Variants in SPATA6 observed in about 807,000 individuals in gnomAD.
SPATA6 encodes spermatogenesis associated 6.
A neutral mutation model predicts 65.3 loss-of-function variants in SPATA6; 56 were observed. That is an observed-to-expected ratio of 0.86 (90% CI 0.69 to 1.07). The LOEUF (loss-of-function observed/expected upper bound fraction) is 1.07, where lower values mean the gene tolerates loss of function less well. Among genes scored for constraint, SPATA6 ranks in the 50% least tolerant of loss-of-function variants. The probability of loss-of-function intolerance (pLI) is 0.00; values close to 1 mark genes in which losing one functional copy is unlikely to be tolerated. For synonymous variants in SPATA6, 199 were observed against 213.2 expected (o/e 0.93, Z 0.58); for missense variants, 590 against 594.8 (o/e 0.99, Z 0.08).
At chr1:48,281,509 C>T in the SPATA6 span, among the ~76,000 whole-genome samples, 1 of 152,162 alleles carries the variant, frequency 6.6e-6, no homozygotes, top group Non-Finnish European at 1.5e-5. Flanking sequence ...AATCAATGTA[C>T]AAGAATCACA....
intron 3 of SPATA6, chr1:48,436,624 T>C: frequency 6.2e-7 from 1 of 1,614,090 alleles, no homozygotes; most frequent in Non-Finnish European, 8.5e-7. Flanking sequence ...TAGGGCTGTG[T>C]ATGATTTCCC....
intron 11 of SPATA6, among the ~76,000 whole-genome samples, chr1:48,321,418 TAA>T (rs997531362): frequency 3.3e-5 from 5 of 152,028 alleles, no homozygotes; most frequent in African/African-American, 1.2e-4. Context: ...ATACAAATTA[TAA>T]AAAGAGACAA....
chr1:48,306,017 T>C (rs745872080), intron 11 of SPATA6, 139 bp from the exon 12 acceptor site: 11 of 619,440 alleles, frequency 1.8e-5, no homozygotes, highest in Non-Finnish European at 2.8e-5. Flanking sequence ...TAGTGTTTCT[T>C]TGGGGGGAAA....
the SPATA6 span, among the ~76,000 whole-genome samples, chr1:48,289,055 G>A: frequency 6.6e-6 from 1 of 151,942 alleles, no homozygotes; most frequent in East Asian, 1.9e-4. Context: ...ACCTCAAGTG[G>A]GTTCCTGACC....
At chr1:48,455,816 A>G (rs1223043314) in intron 1 of SPATA6, among the ~76,000 whole-genome samples, 1 of 152,198 alleles carries the variant, frequency 6.6e-6, no homozygotes, top group African/African-American at 2.4e-5. Context: ...GCTCTATCCA[A>G]TTTGTAACAT....
At chr1:48,364,164 G>A (rs1646916277) in intron 9 of SPATA6, among the ~76,000 whole-genome samples, 1 of 152,176 alleles carries the variant, frequency 6.6e-6, no homozygotes, top group Admixed American at 6.5e-5. Flanking sequence ...GTATTCCATG[G>A]TGTATATGTG....
In SPATA6 at chr1:48,385,945, C is replaced by A. The variant is rs1021763759; in HGVS notation, c.869-596G>T. On this transcript the variant is annotated intron_variant, in intron 8 of 12. Coordinates refer to ENST00000371847, the MANE Select transcript of SPATA6 (RefSeq NM_019073.4). ...TATTGTTTTAAAGATTATATAAGAT[C>A]TTACACGTAAGGCACTAAAATAGAA... is the stretch of plus-strand genomic sequence containing the variant. Among the ~76,000 whole-genome samples, 7 of 152,124 alleles carry A rather than the reference C, an allele frequency of 4.6e-5. No individual in the cohort carries two copies. The East Asian group carries it at 1.3e-3, about 29-fold the overall frequency.
intron 5 of SPATA6, 109 bp from the exon 6 acceptor site, chr1:48,403,991 T>C: frequency 1.4e-6 from 1 of 731,710 alleles, no homozygotes; most frequent in Non-Finnish European, 2.2e-6. Flanking sequence ...GTTCAGCTGT[T>C]TCACTGTTAG....
At chr1:48,471,415 CT>C (rs1304962219) in intron 1 of SPATA6, among the ~76,000 whole-genome samples, 1 of 152,142 alleles carries the variant, frequency 6.6e-6, no homozygotes, top group Non-Finnish European at 1.5e-5. Flanking sequence ...AGGCAAGGTA[CT>C]TTGCGCAATG....
chr1:48,277,844 C>G, the SPATA6 span, among the ~76,000 whole-genome samples: 1 of 152,242 alleles, frequency 6.6e-6, no homozygotes, highest in East Asian at 1.9e-4. Context: ...TCCCAGCACA[C>G]AGCTGGAGAT....
intron 9 of SPATA6, among the ~76,000 whole-genome samples, chr1:48,360,887 G>A (rs78294053): frequency 0.026 from 4,015 of 152,236 alleles, 180 homozygotes; most frequent in African/African-American, 0.092. Context: ...AACTGGTCTC[G>A]ATGTCAAAGA....
At chr1:48,268,290 T>A in the SPATA6 span, among the ~76,000 whole-genome samples, 2 of 145,444 alleles carry the variant, frequency 1.4e-5, no homozygotes, top group African/African-American at 5.1e-5. Context: ...ATGGGTCTAC[T>A]TAAAAATAAA....
At chr1:48,338,102 A>G (rs1429268142) in intron 11 of SPATA6, among the ~76,000 whole-genome samples, 2 of 152,058 alleles carry the variant, frequency 1.3e-5, no homozygotes, top group African/African-American at 2.4e-5. Flanking sequence ...CTACATTATT[A>G]GTACAAAAAT....
At position 48,359,573 on chromosome 1, in the gene SPATA6, C is replaced by T. The variant is rs758900495; in HGVS notation, c.1094+13G>A. ...CAAAGATCAGTACAGAAATGAAGAC[C>T]GCACATAATTACCTTTCCCTGAGAG... is the stretch of plus-strand genomic sequence containing the variant. On this transcript the variant is annotated intron_variant, in intron 10 of 12. Transcript: ENST00000371847. The T allele has an allele frequency of 8.1e-6, 13 of 1,611,190 alleles. No individual in the cohort carries two copies. Among genetic ancestry groups the T allele is most frequent in the South Asian group, 3.3e-5 (3 of 90,764 alleles).
At chr1:48,291,969 T>G (rs933824680), downstream of SPATA6, among the ~76,000 whole-genome samples, 1 of 152,202 alleles carries the variant, frequency 6.6e-6, no homozygotes, top group Non-Finnish European at 1.5e-5. Flanking sequence ...TTCCTAATTT[T>G]GTTATATCGT....
At chr1:48,313,371 G>C (rs965518827) in intron 11 of SPATA6, among the ~76,000 whole-genome samples, 3 of 152,198 alleles carry the variant, frequency 2.0e-5, no homozygotes, top group Non-Finnish European at 2.9e-5. Flanking sequence ...CAAGCCAGAA[G>C]AGAGTGGGGG....
chr1:48,405,070 T>C (rs538305226), intron 5 of SPATA6, among the ~76,000 whole-genome samples: 1 of 152,282 alleles, frequency 6.6e-6, no homozygotes, highest in East Asian at 1.9e-4. Context: ...ACCAGCTAAG[T>C]TTAAAAACAT....
chr1:48,321,467 G>A (rs1249593780), intron 11 of SPATA6, among the ~76,000 whole-genome samples: 2 of 152,088 alleles, frequency 1.3e-5, no homozygotes, highest in Non-Finnish European at 2.9e-5. Context: ...AATTCAGCAA[G>A]AGGATGTAAC....
chr1:48,403,851 G>C lies in SPATA6; in HGVS notation c.437C>G (p.Thr146Ser), dbSNP rs201529843. ...TATCAGACATTCAGTAATCACTGAA[G>C]TCGTAGAAAATTCCAGCCTTGGAGC... Reference protein sequence around the residue: ...GNAPRLEFSTTSVITECLISS... With the variant: ...GNAPRLEFSTSSVITECLISS... The change falls in exon 6 of 13, where the codon ACT becomes AGT. Residue 146 changes from threonine (T) to serine (S), a missense_variant. Coordinates refer to ENST00000371847, the MANE Select transcript of SPATA6 (RefSeq NM_019073.4). 6.2e-7 allele frequency: 1 copy of C among 1,610,346 alleles called. No homozygotes were observed. Among genetic ancestry groups the C allele is most frequent in the Admixed American group, 1.7e-5 (1 of 59,368 alleles).
Sources: allele counts gnomAD v4.1 joint callset (sites outside exome capture counted in the v4.1 genomes callset), GRCh38; gene constraint gnomAD v4.1.1; transcripts MANE v1.5; gene names NCBI Gene and HGNC (gene_info 2026-07-23, HGNC 2026-07-21).